The following GREB1 variants were observed in gnomAD, a reference collection of about 807,000 sequenced individuals.
GREB1 encodes growth regulating estrogen receptor binding 1, also known as protein GREB1.
A neutral mutation model predicts 200.7 loss-of-function variants in GREB1; 106 were observed. The ratio of observed to expected loss-of-function variants is 0.53; its 90% CI spans 0.45 to 0.62. The LOEUF is 0.62. GREB1 is among the 20% of genes least tolerant of loss of function. The pLI, the probability that GREB1 is intolerant of heterozygous loss-of-function variation, is 0.00. For synonymous variants in GREB1, 1,132 were observed against 1,092.4 expected (o/e 1.04, Z -0.72); for missense variants, 2,243 against 2,556.8 (o/e 0.88, Z 2.65).
intron 1 of GREB1, among the ~76,000 whole-genome samples, chr2:11,553,487 AAAAC>A (rs140232449): frequency 0.11 from 16,649 of 152,010 alleles, 2,922 homozygotes; most frequent in African/African-American, 0.37. Context: ...CCTGTCTCAA[AAAAC>A]AAACAAACAA....
At chr2:11,596,345 G>A (rs531404170) in intron 13 of GREB1, 106 bp downstream of exon 13, 3 of 914,540 alleles carry the variant, frequency 3.3e-6, no homozygotes, top group Admixed American at 2.4e-5. Flanking sequence ...CATGGCGCAA[G>A]TGTGCACAGT....
At chr2:11,631,736 C>T (rs1306368778) in intron 26 of GREB1, among the ~76,000 whole-genome samples, 173 bp from the exon 27 acceptor site, 1 of 152,194 alleles carries the variant, frequency 6.6e-6, no homozygotes, top group African/African-American at 2.4e-5. Context: ...AGGACTGGCA[C>T]AAGGCCATTT....
intron 14 of GREB1, 106 bp from the exon 15 acceptor site, chr2:11,598,574 C>A: frequency 2.1e-6 from 2 of 961,944 alleles, no homozygotes; most frequent in South Asian, 1.5e-5. Flanking sequence ...ATCTCTGAGT[C>A]TAGCTCAGGA....
At position 11,543,600 on chromosome 2, in the gene GREB1, C is replaced by T. The variant is rs371427433; in HGVS notation, c.-162+9346C>T. Among the ~76,000 whole-genome samples, 11 of 152,328 alleles carry T rather than the reference C, an allele frequency of 7.2e-5. No individual in the cohort carries two copies. In the East Asian group the frequency reaches 1.9e-3, roughly 27 times the overall value. On this transcript the variant is annotated intron_variant, in intron 1 of 32. Coordinates refer to ENST00000381486, the MANE Select transcript of GREB1 (RefSeq NM_014668.4). ...TATTGAAAAGTGAATGCTTTTACCA[C>T]TATAGCAGACAGATTATGAACACTT...
chr2:11,601,554 T>C (rs1341192308), intron 16 of GREB1, among the ~76,000 whole-genome samples: 1 of 152,250 alleles, frequency 6.6e-6, no homozygotes, highest in African/African-American at 2.4e-5. Flanking sequence ...GGTTTGTAGT[T>C]AGTTACACAA....
chr2:11,600,258 A>T (rs1470129458), intron 15 of GREB1, among the ~76,000 whole-genome samples: 5 of 151,630 alleles, frequency 3.3e-5, no homozygotes, highest in African/African-American at 1.2e-4. Flanking sequence ...TTTTTTTTTA[A>T]TCCCCTAAAC....
rs1558643641 is a variant in GREB1, at chr2:11,618,168, G to GGGACAGGTCACTCCTGAGATGGGCC, written c.3413-120_3413-119insGGACAGGTCACTCCTGAGATGGGCC. On this transcript the variant is annotated intron_variant, in intron 21 of 32. Transcript: ENST00000381486. ...GGGACAGGTCACTCCTGGGATGGGT[G>GGGACAGGTCACTCCTGAGATGGGCC]ACTCCTGGGACAGGTCACTCCTGGG... 105 of 678,474 alleles carry GGGACAGGTCACTCCTGAGATGGGCC rather than the reference G, an allele frequency of 1.5e-4. No individual in the cohort carries two copies. In the East Asian group the frequency reaches 5.6e-3, roughly 36 times the overall value. 42.0% of individuals were successfully genotyped at this position (678,474 alleles called of 1,614,324 possible). A position where few individuals can be genotyped will look rare whatever the true frequency, so the allele number is the denominator to read the frequency against.
chr2:11,560,369 T>C (rs1358718381), intron 2 of GREB1, among the ~76,000 whole-genome samples: 1 of 152,014 alleles, frequency 6.6e-6, no homozygotes, highest in East Asian at 1.9e-4. Flanking sequence ...GTTTGAGACT[T>C]GACAGCAAAT....
rs1220480009 is a variant in GREB1 at position 11,629,186 on chromosome 2, G to A, written c.4450-762G>A. On this transcript the variant is annotated intron_variant, in intron 25 of 32. Coordinates refer to ENST00000381486, the MANE Select transcript of GREB1 (RefSeq NM_014668.4). The surrounding 1 kb of genome is among the most constrained non-coding windows in gnomAD (Gnocchi z 5.2). ...GCCTCCTTCCCTGCAGACCCTGGAT[G>A]CATGCATAGCACATGCTAGGAGGGG... 6.6e-6 allele frequency among the ~76,000 whole-genome samples: 1 copy of A among 151,022 alleles called. No homozygotes were observed. The highest frequency in any genetic ancestry group is 1.5e-5 in the Non-Finnish European group (1 of 67,760).
At chr2:11,584,018 G>A (rs10183250) in intron 7 of GREB1, among the ~76,000 whole-genome samples, 4,028 of 152,210 alleles carry the variant, frequency 0.026, 177 homozygotes, top group African/African-American at 0.091. Context: ...CTGGAGAACC[G>A]TTGCTCTGAT....
At chr2:11,515,775 A>G (rs2148459626) in intron 1 of GREB1, among the ~76,000 whole-genome samples, 1 of 152,370 alleles carries the variant, frequency 6.6e-6, no homozygotes, top group South Asian at 2.1e-4. Flanking sequence ...CTCTGAGAGC[A>G]AAGGCTAAAA....
intron 3 of GREB1, among the ~76,000 whole-genome samples, chr2:11,563,971 G>A (rs1375481165): frequency 6.6e-6 from 1 of 152,134 alleles, no homozygotes; most frequent in African/African-American, 2.4e-5. Context: ...GAGAGTTTTG[G>A]GAAGGCTTCC....
chr2:11,615,858 A>C (rs1449794380), intron 20 of GREB1, among the ~76,000 whole-genome samples: 2 of 152,234 alleles, frequency 1.3e-5, no homozygotes, highest in Admixed American at 6.5e-5. Context: ...GTCATTCAAA[A>C]ACTAGAAAGC....
Position 11,580,999 on chromosome 2 carries a change from G to C in GREB1, c.901+167G>C, listed in dbSNP as rs1320762629. On this transcript the variant is annotated intron_variant, in intron 7 of 32. Coordinates refer to ENST00000381486, the MANE Select transcript of GREB1 (RefSeq NM_014668.4). This position sits in a 1 kb window ranked among gnomAD's most constrained non-coding sequence, Gnocchi z 4.5. Reference sequence around the variant, plus strand: ...AGGTGCCTCCTGAGTCCGTGGGTCTGGGCCCAGGCCCTGGTGCTCTATGAG... The same window carrying C: ...AGGTGCCTCCTGAGTCCGTGGGTCTCGGCCCAGGCCCTGGTGCTCTATGAG... 1 of 821,366 alleles carries C rather than the reference G, an allele frequency of 1.2e-6. No individual in the cohort carries two copies. The highest frequency in any genetic ancestry group is 2.7e-5 in the East Asian group (1 of 37,698). 50.9% of individuals were successfully genotyped at this position (821,366 alleles called of 1,614,324 possible).
chr2:11,530,406 G>GA (rs1345139636), upstream of GREB1, among the ~76,000 whole-genome samples: 82 of 137,642 alleles, frequency 6.0e-4, no homozygotes, highest in East Asian at 2.3e-3. Context: ...TGCCAAATAG[G>GA]AAAAAAAAAA....
At chr2:11,578,150 C>A in intron 5 of GREB1, 147 bp from the exon 6 acceptor site, 1 of 885,660 alleles carries the variant, frequency 1.1e-6, no homozygotes, top group Non-Finnish European at 1.7e-6. Flanking sequence ...TGGCTTCACG[C>A]TGAAACAAAG....
intron 9 of GREB1, 128 bp from the exon 10 acceptor site, chr2:11,588,618 A>G: frequency 1.2e-6 from 1 of 851,312 alleles, no homozygotes; most frequent in Non-Finnish European, 2.0e-6. Flanking sequence ...TTCCCAGGAC[A>G]GGGCACTCGA....
At chr2:11,538,967 C>T (rs1304322582) in intron 1 of GREB1, among the ~76,000 whole-genome samples, 1 of 95,388 alleles carries the variant, frequency 1.0e-5, no homozygotes, top group African/African-American at 3.8e-5. Context: ...CCCTCCTCTC[C>T]CCTCCCTTCC....
In GREB1 at chr2:11,597,047, C is replaced by T. The variant is rs919809229; in HGVS notation, c.1955-734C>T. Among the ~76,000 whole-genome samples the T allele has an allele frequency of 6.6e-6, 1 of 150,548 alleles. No homozygotes were observed. The highest frequency in any genetic ancestry group is 1.5e-5 in the Non-Finnish European group (1 of 67,644). On this transcript the variant is annotated intron_variant, in intron 13 of 32. Transcript: ENST00000381486. The surrounding 1 kb of genome is among the most constrained non-coding windows in gnomAD (Gnocchi z 4.1). ...GGCGCCAATGGGCACAGGTGTGCAC[C>T]GTGAGAGAGGGCAGTGGGCACAGGT... is the stretch of plus-strand genomic sequence containing the variant.
Sources: gnomAD v4.1 joint callset for allele counts (sites outside exome capture counted in the v4.1 genomes callset) on GRCh38, gnomAD v4.1.1 for gene constraint, Gnocchi (gnomAD v3.1) non-coding constraint, MANE v1.5 for transcripts, NCBI Gene and HGNC (gene_info 2026-07-23, HGNC 2026-07-21) for gene names.